BABAM2: variants seen among roughly 807,000 people sequenced by gnomAD.
BABAM2 encodes BRISC and BRCA1 A complex member 2.
In BABAM2, 31 loss-of-function variants were observed where a neutral mutation model predicts 54.7. The observed-to-expected ratio is 0.57, with a 90% CI of 0.43 to 0.77. The LOEUF (loss-of-function observed/expected upper bound fraction) is 0.77. BABAM2 is among the 30% of genes least tolerant of loss of function. The pLI, the probability that BABAM2 is intolerant of heterozygous loss-of-function variation, is 0.00. For missense variants in BABAM2, 364 were observed against 455.8 expected (o/e 0.80, Z 1.83); for synonymous variants, 167 against 162.9 (o/e 1.03, Z -0.19).
chr2:28,297,197 G>A (rs956683244), intron 10 of BABAM2, among the ~76,000 whole-genome samples: 2 of 152,148 alleles, frequency 1.3e-5, no homozygotes, highest in African/African-American at 2.4e-5. Context: ...CTAGATTTGA[G>A]TCTTGCCCCT....
At chr2:28,290,848 A>G (rs543587518) in intron 10 of BABAM2, among the ~76,000 whole-genome samples, 1 of 152,352 alleles carries the variant, frequency 6.6e-6, no homozygotes, top group South Asian at 2.1e-4. Context: ...ATTTATTTTC[A>G]GTATATCATA....
In BABAM2 at chr2:28,251,596, G is replaced by C. The variant is rs1185097826; in HGVS notation, c.934+6734G>C. On this transcript the variant is annotated intron_variant, in intron 10 of 11. Coordinates refer to ENST00000379624, the MANE Select transcript of BABAM2 (RefSeq NM_199191.3). Reference sequence around the variant, plus strand: ...CTGCCCGCTATAGAAACAGTGTTTCGTCGTAGAATATTTAGCACTCAACAA... The same window carrying C: ...CTGCCCGCTATAGAAACAGTGTTTCCTCGTAGAATATTTAGCACTCAACAA... Among the ~76,000 whole-genome samples, 3 of 152,290 alleles carry C rather than the reference G, an allele frequency of 2.0e-5. No individual in the cohort carries two copies. In the East Asian group the frequency reaches 5.8e-4, roughly 29 times the overall value.
intron 3 of BABAM2, among the ~76,000 whole-genome samples, chr2:27,976,541 C>G (rs1217495874): frequency 6.6e-6 from 1 of 151,942 alleles, no homozygotes; most frequent in Non-Finnish European, 1.5e-5. Flanking sequence ...TCAGAGGTTT[C>G]CAGGAATAAG....
intron 6 of BABAM2, among the ~76,000 whole-genome samples, chr2:28,107,009 C>T (rs1418318832): frequency 6.6e-6 from 1 of 152,140 alleles, no homozygotes; most frequent in Admixed American, 6.6e-5. Flanking sequence ...TAACTTCCTT[C>T]TCTGAAAGTG....
intron 7 of BABAM2, among the ~76,000 whole-genome samples, chr2:28,206,785 C>T (rs764225631): frequency 5.3e-5 from 8 of 152,194 alleles, no homozygotes; most frequent in East Asian, 1.9e-4. Context: ...TAACTACGAA[C>T]GCTGTGTGAT....
At chr2:28,146,923 T>C (rs1671546293) in intron 7 of BABAM2, among the ~76,000 whole-genome samples, 1 of 152,238 alleles carries the variant, frequency 6.6e-6, no homozygotes, top group Non-Finnish European at 1.5e-5. Flanking sequence ...GGAAGTTTTC[T>C]GAATAACCTA....
At chr2:28,072,924 T>A (rs1276604419) in intron 6 of BABAM2, among the ~76,000 whole-genome samples, 1 of 152,254 alleles carries the variant, frequency 6.6e-6, no homozygotes, top group Non-Finnish European at 1.5e-5. Flanking sequence ...CAACTGTATC[T>A]CCTCTCCTGT....
chr2:28,186,647 T>G (rs1676313779), intron 7 of BABAM2, among the ~76,000 whole-genome samples: 2 of 141,114 alleles, frequency 1.4e-5, no homozygotes, highest in African/African-American at 2.6e-5. Flanking sequence ...AGAGAGAGAG[T>G]ATGTGAGAGA....
At chr2:28,188,436 G>C (rs1264773841) in intron 7 of BABAM2, among the ~76,000 whole-genome samples, 1 of 152,112 alleles carries the variant, frequency 6.6e-6, no homozygotes, top group African/African-American at 2.4e-5. Context: ...ACTGAGAAGG[G>C]GATAGGGTCA....
At chr2:28,123,810 A>G (rs1669272950) in intron 6 of BABAM2, among the ~76,000 whole-genome samples, 3 of 152,238 alleles carry the variant, frequency 2.0e-5, no homozygotes, top group South Asian at 4.1e-4. Flanking sequence ...ACTCCTGGAA[A>G]AAACTAGTTT....
rs529839241 is a variant in BABAM2, at chr2:28,081,683, A to C, written c.570+35884A>C. ...CCACTTCCTTTCCTCTGTTTCCCTC[A>C]CTTCAGCCCTAAATGAATTTAGGTT... On this transcript the variant is annotated intron_variant, in intron 6 of 11. Coordinates refer to ENST00000379624, the MANE Select transcript of BABAM2 (RefSeq NM_199191.3). Among the ~76,000 whole-genome samples, 61 of 152,108 alleles carry C rather than the reference A, an allele frequency of 4.0e-4. 1 individual carries two copies. Among genetic ancestry groups the C allele is most frequent in the African/African-American group, 1.4e-3 (58 of 41,504 alleles).
rs1673199599 is a variant in BABAM2, at chr2:27,997,018, A to G, written c.300+8931A>G. On this transcript the variant is annotated intron_variant, in intron 4 of 11. Transcript: ENST00000379624. ...AATTTACTTTCAAAGCAAAAGTACA[A>G]AAGACTTCAGCAGATCATAAAATAC... is the stretch of plus-strand genomic sequence containing the variant. Among the ~76,000 whole-genome samples the G allele has an allele frequency of 2.6e-5, 4 of 152,204 alleles. No individual in the cohort carries two copies. The South Asian group carries it at 6.2e-4, about 24-fold the overall frequency.
intron 6 of BABAM2, among the ~76,000 whole-genome samples, chr2:28,106,035 A>G (rs914200854): frequency 6.6e-6 from 1 of 152,032 alleles, no homozygotes; most frequent in Non-Finnish European, 1.5e-5. Context: ...CAATAAAAGC[A>G]CTTTTAAAAA....
chr2:28,139,321 CAAAAAAAAAAAA>C (rs768755922), intron 7 of BABAM2, among the ~76,000 whole-genome samples: 2 of 87,090 alleles, frequency 2.3e-5, no homozygotes, highest in Non-Finnish European at 4.0e-5. Context: ...AACTCCGTCT[CAAAAAAAAAAAA>C]AAAAAAAAAA....
At chr2:27,982,230 G>A (rs1030589849) in intron 3 of BABAM2, among the ~76,000 whole-genome samples, 4 of 151,942 alleles carry the variant, frequency 2.6e-5, no homozygotes, top group Admixed American at 6.6e-5. Flanking sequence ...TGACTTGTGA[G>A]ATTTCTTTGT....
At chr2:28,310,989 C>A (rs898889882) in intron 11 of BABAM2, among the ~76,000 whole-genome samples, 2 of 149,956 alleles carry the variant, frequency 1.3e-5, no homozygotes, top group African/African-American at 4.9e-5. Flanking sequence ...GGGCTGGGCG[C>A]GGTGGCTCAC....
intron 11 of BABAM2, chr2:28,308,259 C>T (rs918720828): frequency 1.3e-5 from 5 of 399,886 alleles, no homozygotes; most frequent in African/African-American, 8.3e-5. Flanking sequence ...GTGTCCACAG[C>T]CACAAAAAGA....
intron 7 of BABAM2, among the ~76,000 whole-genome samples, chr2:28,167,706 AAAT>A (rs1673858039): frequency 3.1e-5 from 2 of 65,452 alleles, no homozygotes; most frequent in Admixed American, 2.0e-4. Flanking sequence ...AAAAATAAAT[AAAT>A]AAATAAATAA....
At chr2:28,272,554 A>G (rs1048346156) in intron 10 of BABAM2, among the ~76,000 whole-genome samples, 2 of 152,238 alleles carry the variant, frequency 1.3e-5, no homozygotes, top group Non-Finnish European at 2.9e-5. Context: ...ACTTCTGTGA[A>G]GCTCACTTTT....
Sources: gnomAD v4.1 joint callset for allele counts (sites outside exome capture counted in the v4.1 genomes callset) on GRCh38, gnomAD v4.1.1 for gene constraint, MANE v1.5 for transcripts, NCBI Gene and HGNC (gene_info 2026-07-23, HGNC 2026-07-21) for gene names.